Variants in KIAA1217 observed in about 807,000 individuals in gnomAD.
The protein encoded by KIAA1217 is sickle tail protein homolog.
A neutral mutation model predicts 163.9 loss-of-function variants in KIAA1217; 88 were observed. The observed-to-expected ratio is 0.54, with a 90% confidence interval of 0.45 to 0.64. The LOEUF (loss-of-function observed/expected upper bound fraction) is 0.64. Ranked by LOEUF, KIAA1217 falls within the 30% of genes least tolerant of loss-of-function variation. KIAA1217 has a pLI of 0.00. For missense variants in KIAA1217, 2,372 were observed against 2,475.0 expected (o/e 0.96, Z 0.88); for synonymous variants, 903 against 923.1 (o/e 0.98, Z 0.39).
chr10:23,912,314 A>G lies in KIAA1217; in HGVS notation c.-320-94911A>G, dbSNP rs930993932. Among the ~76,000 whole-genome samples, 13 of 152,076 alleles carry G rather than the reference A, an allele frequency of 8.5e-5. 1 individual carries two copies. Among genetic ancestry groups the G allele is most frequent in the Admixed American group, 7.2e-4 (11 of 15,266 alleles). ...TAACAGTTGGGAGGCTCAAAGGTAA[A>G]TGTTGTGGCTCCATTTGTTTATTTT... is the stretch of plus-strand genomic sequence containing the variant. On this transcript the variant is annotated intron_variant, in intron 1 of 18. Coordinates refer to the KIAA1217 transcript ENST00000376462.
At position 24,438,346 on chromosome 10, in the gene KIAA1217, T is replaced by G. The variant is rs766014874; in HGVS notation, c.753-40T>G. The G allele has an allele frequency of 5.6e-6, 8 of 1,433,400 alleles. No individual in the cohort carries two copies. The African/African-American group carries it at 9.8e-5, about 18-fold the overall frequency. 88.8% of individuals were successfully genotyped at this position (1,433,400 alleles called of 1,614,324 possible). A position where few individuals can be genotyped will look rare whatever the true frequency, so the allele number is the denominator to read the frequency against. On this transcript the variant is annotated intron_variant, in intron 4 of 20. Coordinates refer to ENST00000376454, the MANE Select transcript of KIAA1217 (RefSeq NM_019590.5). ...GCTAAGGAAATGGCCAAAGTCAGGC[T>G]TCTTTCATCTGCCATAGTTATCGAT...
intron 3 of KIAA1217, among the ~76,000 whole-genome samples, chr10:24,396,830 A>G (rs1481067935): frequency 6.6e-6 from 1 of 152,198 alleles, no homozygotes; most frequent in African/African-American, 2.4e-5. Flanking sequence ...GCAACATTGG[A>G]AAGAGAATGT....
chr10:24,104,860 T>A lies in KIAA1217; in HGVS notation c.-171+97486T>A, dbSNP rs1215238254. 2.0e-5 allele frequency among the ~76,000 whole-genome samples: 3 copies of A among 152,210 alleles called. No homozygotes were observed. In the East Asian group the frequency reaches 5.8e-4, roughly 29 times the overall value. On this transcript the variant is annotated intron_variant, in intron 2 of 18. Coordinates refer to the KIAA1217 transcript ENST00000376462. ...GATTTAAAAATTTTATCTGTACTTA[T>A]AAAAATGATGAAGGATGTCTTCTAA...
At chr10:24,086,195 CAG>C (rs2131669800) in intron 2 of KIAA1217, among the ~76,000 whole-genome samples, 1 of 152,276 alleles carries the variant, frequency 6.6e-6, no homozygotes, top group East Asian at 1.9e-4. Flanking sequence ...TTACTAAAAA[CAG>C]GGTGGAAGTG....
chr10:23,890,069 G>A (rs138353818), intron 1 of KIAA1217, among the ~76,000 whole-genome samples: 101 of 151,798 alleles, frequency 6.7e-4, no homozygotes, highest in African/African-American at 2.2e-3. Context: ...AAATTCACCA[G>A]TGGAATCATC....
chr10:23,897,318 C>T (rs1342012699), intron 1 of KIAA1217, among the ~76,000 whole-genome samples: 6 of 152,088 alleles, frequency 3.9e-5, no homozygotes, highest in Admixed American at 3.9e-4. Context: ...TCTGCCGCAG[C>T]AACCCAAGTT....
chr10:24,175,868 C>A (rs1043723176), intron 2 of KIAA1217, among the ~76,000 whole-genome samples: 1 of 152,064 alleles, frequency 6.6e-6, no homozygotes, highest in Non-Finnish European at 1.5e-5. Flanking sequence ...TCTCACTGGC[C>A]TCAGGAGTGA....
intron 1 of KIAA1217, among the ~76,000 whole-genome samples, chr10:23,793,443 G>A (rs1836055974): frequency 6.6e-6 from 1 of 152,240 alleles, no homozygotes; most frequent in Admixed American, 6.5e-5. Context: ...GCACATTCCT[G>A]TTCATGCCTG....
chr10:23,801,547 G>A (rs1444422340), intron 1 of KIAA1217, among the ~76,000 whole-genome samples: 1 of 152,102 alleles, frequency 6.6e-6, no homozygotes, highest in Admixed American at 6.5e-5. Context: ...TCCATCCAAG[G>A]GTTTAATTGA....
intron 4 of KIAA1217, among the ~76,000 whole-genome samples, chr10:24,437,574 C>T (rs981696030): frequency 3.3e-4 from 50 of 152,156 alleles, no homozygotes; most frequent in African/African-American, 1.1e-3. Flanking sequence ...CCTTGGGTGG[C>T]CCTTCTGCTG....
chr10:24,032,477 G>A (rs901310289), intron 2 of KIAA1217, among the ~76,000 whole-genome samples: 1 of 152,050 alleles, frequency 6.6e-6, no homozygotes, highest in African/African-American at 2.4e-5. Flanking sequence ...CAACTCCGAG[G>A]CCCAAGTGAT....
Position 24,362,561 on chromosome 10 carries a change from G to A in KIAA1217, c.355-18308G>A, listed in dbSNP as rs573866393. Among the ~76,000 whole-genome samples the A allele has an allele frequency of 3.9e-5, 6 of 152,276 alleles. No individual in the cohort carries two copies. The South Asian group carries it at 8.3e-4, about 21-fold the overall frequency. On this transcript the variant is annotated intron_variant, in intron 2 of 20. Transcript: ENST00000376454. ...TGATTTGCTGTGCAATTACAAACCC[G>A]AGACAATTTGTAATACAAAGAGCTT...
intron 2 of KIAA1217, among the ~76,000 whole-genome samples, chr10:24,293,965 G>A (rs565857026): frequency 8.6e-4 from 131 of 152,226 alleles, no homozygotes; most frequent in African/African-American, 3.0e-3. Context: ...AGGCCAAGGC[G>A]GGCGGATCAC....
intron 2 of KIAA1217, among the ~76,000 whole-genome samples, chr10:24,062,671 G>A (rs1036577015): frequency 1.3e-5 from 2 of 151,876 alleles, no homozygotes; most frequent in African/African-American, 4.8e-5. Flanking sequence ...GGATGGCTGG[G>A]TCAAATGGTA....
chr10:24,058,866 G>T (rs2060618083), intron 2 of KIAA1217, among the ~76,000 whole-genome samples: 1 of 152,010 alleles, frequency 6.6e-6, no homozygotes, highest in African/African-American at 2.4e-5. Flanking sequence ...TTATGATGTA[G>T]ATGCCTTTTT....
intron 1 of KIAA1217, among the ~76,000 whole-genome samples, chr10:23,830,574 A>C (rs1009421917): frequency 6.6e-6 from 1 of 151,924 alleles, no homozygotes; most frequent in African/African-American, 2.4e-5. Flanking sequence ...CCTCCCTTGC[A>C]GGTATGTGTG....
intron 1 of KIAA1217, among the ~76,000 whole-genome samples, chr10:23,810,276 T>C (rs1836937494): frequency 6.8e-6 from 1 of 147,922 alleles, no homozygotes; most frequent in African/African-American, 2.5e-5. Context: ...TGTCTATCTG[T>C]ATATATATAT....
intron 1 of KIAA1217, among the ~76,000 whole-genome samples, chr10:23,856,309 G>A (rs1839657331): frequency 6.6e-6 from 1 of 152,240 alleles, no homozygotes; most frequent in African/African-American, 2.4e-5. Context: ...ATCAGCAGCA[G>A]TGGCTGCAGA....
In KIAA1217 at chr10:24,003,553, T is replaced by C. The variant is rs2131469754; in HGVS notation, c.-320-3672T>C. Among the ~76,000 whole-genome samples the C allele has an allele frequency of 2.0e-5, 3 of 152,342 alleles. No individual in the cohort carries two copies. In the Middle Eastern group the frequency reaches 0.01, roughly 518 times the overall value. On this transcript the variant is annotated intron_variant, in intron 1 of 18. Coordinates refer to the KIAA1217 transcript ENST00000376462. ...CATTTGATGAAAATGCACCTTACTT[T>C]CTTGCATTTCTATCTATTGTATGCA...
Sources: gnomAD v4.1 joint callset for allele counts (sites outside exome capture counted in the v4.1 genomes callset) on GRCh38, gnomAD v4.1.1 for gene constraint, MANE v1.5 for transcripts, NCBI Gene and HGNC (gene_info 2026-07-23, HGNC 2026-07-21) for gene names.